GALNT13: variants seen among roughly 807,000 people sequenced by gnomAD.
The protein encoded by GALNT13 is polypeptide N-acetylgalactosaminyltransferase 13, also known as UDP-GalNAc:polypeptide N-acetylgalactosaminyltransferase 13.
In GALNT13, 28 loss-of-function variants were observed where a neutral mutation model predicts 64.2. The ratio of observed to expected loss-of-function variants is 0.44; its 90% CI spans 0.32 to 0.60. The LOEUF is 0.60. GALNT13 is among the 20% of genes least tolerant of loss of function. The pLI, the probability that GALNT13 is intolerant of heterozygous loss-of-function variation, is 0.05. For missense variants in GALNT13, 577 were observed against 669.8 expected (o/e 0.86, Z 1.53); for synonymous variants, 214 against 224.6 (o/e 0.95, Z 0.42).
At chr2:154,432,493 G>A (rs1700755643) in intron 11 of GALNT13, among the ~76,000 whole-genome samples, 4 of 152,142 alleles carry the variant, frequency 2.6e-5, no homozygotes, top group Admixed American at 2.6e-4. Context: ...CTGCAAACTA[G>A]GTTGCTTAAT....
At chr2:153,545,963 G>C in the GALNT13 span, among the ~76,000 whole-genome samples, 1 of 152,164 alleles carries the variant, frequency 6.6e-6, no homozygotes, top group Admixed American at 6.5e-5. Flanking sequence ...AATGTGGGGA[G>C]GGCCCTCACC....
chr2:153,733,295 A>G, the GALNT13 span, among the ~76,000 whole-genome samples: 1 of 152,296 alleles, frequency 6.6e-6, no homozygotes, highest in East Asian at 1.9e-4. Flanking sequence ...CCATCGACGT[A>G]GATTAGAAAA....
the GALNT13 span, among the ~76,000 whole-genome samples, chr2:153,082,643 A>ATG: frequency 8.3e-6 from 1 of 120,058 alleles, no homozygotes; most frequent in African/African-American, 3.8e-5. Context: ...ACACACACAC[A>ATG]CACACACACA....
the GALNT13 span, among the ~76,000 whole-genome samples, chr2:153,415,093 A>G: frequency 5.9e-5 from 9 of 152,226 alleles, no homozygotes; most frequent in Non-Finnish European, 1.3e-4. Flanking sequence ...TGGCCTTCCC[A>G]TAAGAGTAGC....
the GALNT13 span, among the ~76,000 whole-genome samples, chr2:153,092,788 A>G: frequency 6.6e-6 from 1 of 152,186 alleles, no homozygotes; most frequent in African/African-American, 2.4e-5. Context: ...AACAAAGATA[A>G]TTTAACTTCA....
At chr2:153,380,466 T>G in the GALNT13 span, among the ~76,000 whole-genome samples, 3 of 152,032 alleles carry the variant, frequency 2.0e-5, no homozygotes, top group East Asian at 5.8e-4. Context: ...AGCAAGATCC[T>G]CTCTCTAAAT....
chr2:153,110,612 G>C, the GALNT13 span, among the ~76,000 whole-genome samples: 1 of 152,096 alleles, frequency 6.6e-6, no homozygotes, highest in Non-Finnish European at 1.5e-5. Flanking sequence ...ATCTTAGGCA[G>C]GAGACTAATG....
intron 3 of GALNT13, among the ~76,000 whole-genome samples, chr2:154,027,937 A>G (rs1188888949): frequency 6.6e-6 from 1 of 152,192 alleles, no homozygotes; most frequent in Non-Finnish European, 1.5e-5. Context: ...ATATTTTTAA[A>G]TAAAGTGAAT....
the GALNT13 span, among the ~76,000 whole-genome samples, chr2:153,145,795 A>G: frequency 5.3e-5 from 8 of 151,872 alleles, no homozygotes; most frequent in African/African-American, 1.9e-4. Flanking sequence ...GAAGGATAGT[A>G]TTGTATACAT....
At chr2:154,440,848 T>C (rs1574314376) in intron 12 of GALNT13, among the ~76,000 whole-genome samples, 2 of 152,276 alleles carry the variant, frequency 1.3e-5, no homozygotes, top group East Asian at 3.9e-4. Context: ...AATTTCAGCT[T>C]TGATGTGCGA....
the GALNT13 span, among the ~76,000 whole-genome samples, chr2:153,735,366 A>G: frequency 6.6e-6 from 1 of 152,142 alleles, no homozygotes; most frequent in African/African-American, 2.4e-5. Context: ...TACATAGATT[A>G]TAGTGAGTGA....
At chr2:153,652,008 A>G in the GALNT13 span, among the ~76,000 whole-genome samples, 1 of 152,158 alleles carries the variant, frequency 6.6e-6, no homozygotes, top group Non-Finnish European at 1.5e-5. Context: ...TGGAATTCCA[A>G]GTGGTGAATA....
chr2:153,280,753 G>A, the GALNT13 span, among the ~76,000 whole-genome samples: 1 of 152,030 alleles, frequency 6.6e-6, no homozygotes, highest in African/African-American at 2.4e-5. Flanking sequence ...TGATTTTTTT[G>A]AAGTTATTGA....
intron 3 of GALNT13, among the ~76,000 whole-genome samples, chr2:154,043,145 A>G (rs919942193): frequency 6.6e-6 from 1 of 152,042 alleles, no homozygotes; most frequent in African/African-American, 2.4e-5. Context: ...AAAGAAAACC[A>G]GTATGGATTA....
chr2:154,435,179 A>C (rs1700898706), intron 11 of GALNT13, among the ~76,000 whole-genome samples: 1 of 152,234 alleles, frequency 6.6e-6, no homozygotes, highest in Non-Finnish European at 1.5e-5. Flanking sequence ...AACCGATGAT[A>C]AAGCAATTTG....
intron 11 of GALNT13, among the ~76,000 whole-genome samples, chr2:154,417,254 G>A (rs1449604030): frequency 2.3e-5 from 3 of 131,206 alleles, no homozygotes; most frequent in African/African-American, 5.8e-5. Flanking sequence ...CGAAATTATC[G>A]CTCCCAGTTG....
the GALNT13 span, among the ~76,000 whole-genome samples, chr2:153,186,662 G>A: frequency 6.6e-6 from 1 of 151,968 alleles, no homozygotes; most frequent in African/African-American, 2.4e-5. Context: ...CACCTCCTGA[G>A]TTCAAGTGAT....
chr2:153,161,929 G>A, the GALNT13 span, among the ~76,000 whole-genome samples: 1 of 152,216 alleles, frequency 6.6e-6, no homozygotes, highest in Non-Finnish European at 1.5e-5. Flanking sequence ...AAGGCAGAAA[G>A]AGAAGGGTTC....
the GALNT13 span, among the ~76,000 whole-genome samples, chr2:153,118,418 C>G: frequency 1.3e-5 from 2 of 152,204 alleles, no homozygotes; most frequent in African/African-American, 4.8e-5. Flanking sequence ...CAAGGGCAAA[C>G]TTGACTGGCT....
Sources: allele counts gnomAD v4.1 joint callset (sites outside exome capture counted in the v4.1 genomes callset), GRCh38; gene constraint gnomAD v4.1.1; transcripts MANE v1.5; gene names NCBI Gene and HGNC (gene_info 2026-07-23, HGNC 2026-07-21).